The following SEC14L6 variants were observed in gnomAD, a reference collection of about 807,000 sequenced individuals.
SEC14L6 encodes the protein SEC14-like protein 6.
In SEC14L6, 40 loss-of-function variants were observed where a neutral mutation model predicts 54.1. The ratio of observed to expected loss-of-function variants is 0.74; its 90% CI spans 0.57 to 0.96. The LOEUF (loss-of-function observed/expected upper bound fraction) is 0.96. SEC14L6 is among the 40% of genes least tolerant of loss of function. The pLI, the probability that SEC14L6 is intolerant of heterozygous loss-of-function variation, is 0.00. For missense variants in SEC14L6, 471 were observed against 498.3 expected (o/e 0.95, Z 0.52); for synonymous variants, 171 against 198.4 (o/e 0.86, Z 1.16).
Position 30,525,648 on chromosome 22 carries a change from C to A in SEC14L6, c.874G>T (p.Val292Leu). ...RSVGRGSSLQVENEILFPGCV... is the reference protein window; with the variant it reads ...RSVGRGSSLQLENEILFPGCV... ...CCCGGGAACAGGATCTCGTTCTCCA[C>A]CTGCAGGGAGGAGCCGCGGCCCACG... The change falls in exon 10 of 12, where the codon GTG (valine) becomes TTG (leucine). Residue 292 changes from valine to leucine, a missense_variant. Coordinates refer to ENST00000402034, the MANE Select transcript of SEC14L6 (RefSeq NM_001193336.4). The A allele has an allele frequency of 2.5e-6, 4 of 1,610,564 alleles. No individual in the cohort carries two copies. Among genetic ancestry groups the A allele is most frequent in the Non-Finnish European group, 3.4e-6 (4 of 1,178,576 alleles).
Position 30,541,629 on chromosome 22 carries a change from G to A in SEC14L6, c.55-2727C>T, listed in dbSNP as rs565527161. ...GCCAAGATCACATCACTGCACTCCA[G>A]CCTGGGTGACAGAGCCAGACTCCAT... On this transcript the variant is annotated intron_variant, in intron 1 of 11. Transcript: ENST00000402034. Among the ~76,000 whole-genome samples, 14 of 152,006 alleles carry A rather than the reference G, an allele frequency of 9.2e-5. No homozygotes were observed. In the East Asian group the frequency reaches 2.7e-3, roughly 29 times the overall value.
chr22:30,534,416 T>A (rs1184552366), intron 2 of SEC14L6, among the ~76,000 whole-genome samples: 427 of 33,696 alleles, frequency 0.013, 3 homozygotes, highest in African/African-American at 0.065. Context: ...TAAAAAAAAT[T>A]TTTTTTTTTT....
rs1384457737 is a variant in SEC14L6, at chr22:30,532,536, G to C, written c.412C>G (p.Gln138Glu). ...TGGCACCCACACACCTTCTGACTCTGCAGCTCACACTCCCGCAGGAGCAGC... is the reference window on the plus strand; with the variant it reads ...TGGCACCCACACACCTTCTGACTCTCCAGCTCACACTCCCGCAGGAGCAGC... ...CELLLRECELQSQKLGKRVEK... is the reference protein window; with the variant it reads ...CELLLRECELESQKLGKRVEK... The change falls in exon 5 of 12, where the codon CAG becomes GAG. Residue 138 changes from glutamine (Q) to glutamate (E), a missense_variant. Gln to Glu is a conservative substitution (Grantham distance 29). Transcript: ENST00000402034. 3.9e-6 allele frequency: 6 copies of C among 1,549,452 alleles called. No homozygotes were observed. Among genetic ancestry groups the C allele is most frequent in the Non-Finnish European group, 5.2e-6 (6 of 1,146,466 alleles).
intron 1 of SEC14L6, among the ~76,000 whole-genome samples, chr22:30,546,314 C>G (rs1371506852): frequency 7.2e-6 from 1 of 138,316 alleles, no homozygotes; most frequent in East Asian, 2.1e-4. Flanking sequence ...ACCCAGAAGG[C>G]AGAAGTTGCA....
chr22:30,532,065 T>C, intron 5 of SEC14L6, 67 bp from the exon 6 acceptor site: 1 of 1,523,708 alleles, frequency 6.6e-7, no homozygotes, highest in Non-Finnish European at 8.8e-7. Flanking sequence ...AAGATGGGGC[T>C]GGGCCTAAGC....
intron 2 of SEC14L6, among the ~76,000 whole-genome samples, chr22:30,537,021 CAAAAAA>C (rs11383409): frequency 7.6e-5 from 6 of 78,510 alleles, no homozygotes; most frequent in African/African-American, 5.5e-5. Flanking sequence ...GACTCTGACT[CAAAAAA>C]AAAAAAAAAA....
intron 1 of SEC14L6, chr22:30,543,301 A>G: frequency 6.3e-7 from 1 of 1,577,436 alleles, no homozygotes; most frequent in Non-Finnish European, 8.7e-7. Context: ...TGGGACTGCC[A>G]ACTTGTCTGA....
chr22:30,542,596 G>A, intron 1 of SEC14L6: 8 of 1,501,588 alleles, frequency 5.3e-6, no homozygotes, highest in Non-Finnish European at 7.1e-6. Context: ...GCCGGTCCCC[G>A]GCCGCCTCGG....
At chr22:30,543,588 G>A (rs1175105838) in intron 1 of SEC14L6, 32 of 1,613,502 alleles carry the variant, frequency 2.0e-5, no homozygotes, top group Middle Eastern at 1.6e-4. Flanking sequence ...GGCAGTCAGC[G>A]GTCAGCAAAA....
At position 30,524,979 on chromosome 22, in the gene SEC14L6, G is replaced by C; in HGVS notation, c.*18C>G. ...ATTCAGAGATCAAAGAGGAGGGTGT[G>C]GGGACCATGAGGTTCACCTAGAATT... On this transcript the variant is annotated 3_prime_UTR_variant, in exon 12 of 12. Transcript: ENST00000402034. 1 of 1,256,452 alleles carries C rather than the reference G, an allele frequency of 8.0e-7. No individual in the cohort carries two copies. The allele number at this position is 1,256,452 out of a possible 1,614,324, so 77.8% of individuals were successfully genotyped here.
intron 1 of SEC14L6, among the ~76,000 whole-genome samples, chr22:30,541,842 GAATA>G (rs755099825): frequency 6.6e-6 from 1 of 151,958 alleles, no homozygotes; most frequent in Non-Finnish European, 1.5e-5. Flanking sequence ...CCAAATAAAT[GAATA>G]AATAAATTTC....
chr22:30,533,950 G>A (rs1273909576), intron 3 of SEC14L6, 46 bp downstream of exon 3: 2 of 1,517,954 alleles, frequency 1.3e-6, no homozygotes, highest in Admixed American at 2.0e-5. Context: ...TCAGACTTGG[G>A]ATAGGAAACA....
intron 1 of SEC14L6, chr22:30,544,004 A>T: frequency 7.5e-6 from 12 of 1,596,934 alleles, no homozygotes; most frequent in Non-Finnish European, 6.9e-6. Context: ...GTGCACCTCA[A>T]CCGGACCCCC....
chr22:30,543,318 C>T (rs1008649128), intron 1 of SEC14L6: 1 of 1,571,772 alleles, frequency 6.4e-7, no homozygotes. Flanking sequence ...CTGAGACTAT[C>T]CAAGTTCCAC....
At chr22:30,533,137 C>A in intron 3 of SEC14L6, 2 of 985,362 alleles carry the variant, frequency 2.0e-6, no homozygotes, top group Non-Finnish European at 2.4e-6. Context: ...TGCCCCCTCC[C>A]GCATGGCTGC....
intron 1 of SEC14L6, chr22:30,542,397 G>A: frequency 2.4e-6 from 1 of 419,248 alleles, no homozygotes; most frequent in East Asian, 3.9e-5. Flanking sequence ...GTCCGGAGGC[G>A]AGGGGAGGTC....
chr22:30,532,344 A>T (rs1174060754), intron 5 of SEC14L6, 181 bp downstream of exon 5: 1 of 950,958 alleles, frequency 1.1e-6, no homozygotes, highest in African/African-American at 1.8e-5. Context: ...AATGATTCCC[A>T]GTTCAGCCAC....
chr22:30,528,703 C>T (rs961348554), intron 8 of SEC14L6, among the ~76,000 whole-genome samples: 5 of 152,084 alleles, frequency 3.3e-5, no homozygotes, highest in Admixed American at 6.6e-5. Context: ...GGATTACAGG[C>T]ATGAGCCACT....
Position 30,524,139 on chromosome 22 carries a change from C to A in SEC14L6, c.*858G>T, listed in dbSNP as rs1007406104. 6 of 152,204 alleles carry A rather than the reference C, an allele frequency of 3.9e-5. No individual in the cohort carries two copies. The highest frequency in any genetic ancestry group is 1.4e-4 in the African/African-American group (6 of 41,432). The allele number at this position is 152,204 out of a possible 1,614,324, so 9.4% of individuals were successfully genotyped here. On this transcript the variant is annotated 3_prime_UTR_variant, in exon 12 of 12. Coordinates refer to ENST00000402034, the MANE Select transcript of SEC14L6 (RefSeq NM_001193336.4). ...CTAGCAAATCTCAAGCCTGCTTACC[C>A]TGCCTCACCAGTTCCTTCCTGCAGA...
Sources: allele counts gnomAD v4.1 joint callset (sites outside exome capture counted in the v4.1 genomes callset), GRCh38; gene constraint gnomAD v4.1.1; transcripts MANE v1.5; gene names NCBI Gene and HGNC (gene_info 2026-07-23, HGNC 2026-07-21).